Variants in FOXJ3 observed in about 807,000 individuals in gnomAD.
The protein encoded by FOXJ3 is forkhead box protein J3.
A neutral mutation model predicts 76.1 loss-of-function variants in FOXJ3; 22 were observed. The ratio of observed to expected loss-of-function variants is 0.29; its 90% CI spans 0.21 to 0.41. FOXJ3 has a LOEUF of 0.41. Among genes scored for constraint, FOXJ3 ranks in the 10% least tolerant of loss-of-function variants. FOXJ3 has a pLI of 1.00. For missense variants in FOXJ3, 613 were observed against 762.1 expected (o/e 0.80, Z 2.30); for synonymous variants, 269 against 261.2 (o/e 1.03, Z -0.29).
intron 1 of FOXJ3, among the ~76,000 whole-genome samples, chr1:42,324,972 G>A (rs1256503829): frequency 8.2e-6 from 1 of 121,454 alleles, no homozygotes; most frequent in Non-Finnish European, 1.8e-5. Context: ...CTAGGCAATA[G>A]AAATTTTTCA....
chr1:42,314,982 T>C (rs909051462), intron 1 of FOXJ3, among the ~76,000 whole-genome samples: 3 of 152,182 alleles, frequency 2.0e-5, no homozygotes, highest in East Asian at 1.9e-4. Flanking sequence ...CCATAAAATA[T>C]ACAATGCAAC....
intron 1 of FOXJ3, among the ~76,000 whole-genome samples, chr1:42,318,600 C>T (rs1226178669): frequency 6.6e-6 from 1 of 152,166 alleles, no homozygotes; most frequent in African/African-American, 2.4e-5. Context: ...CCACCTCGGC[C>T]TCCCAAAGTG....
chr1:42,225,459 G>A (rs1647477854), intron 5 of FOXJ3, among the ~76,000 whole-genome samples: 1 of 152,130 alleles, frequency 6.6e-6, no homozygotes, highest in Non-Finnish European at 1.5e-5. Flanking sequence ...AGGTAATTCA[G>A]TTTATCAGGG....
At chr1:42,184,678 G>A (rs1646398669) in intron 11 of FOXJ3, among the ~76,000 whole-genome samples, 1 of 152,078 alleles carries the variant, frequency 6.6e-6, no homozygotes, top group Non-Finnish European at 1.5e-5. Context: ...TAAATAGTAT[G>A]TAACATGCTA....
Position 42,199,146 on chromosome 1 carries a change from A to G in FOXJ3, c.715T>C (p.Ser239Pro). ...CTTCCAACACTGTTCAAATTAACAG[A>G]TGCCAAACTCTGGTCTGAGAGACTG... ...NNSLSDQSLA[S>P]VNLNSVGSVH... is the part of the protein sequence containing the mutation. Residue 239 changes from serine to proline, a missense_variant, in exon 7 of 13, where the codon TCT (serine) becomes CCT (proline). By Grantham distance (74) the Ser-to-Pro change is moderately conservative. Coordinates refer to ENST00000361346, the MANE Select transcript of FOXJ3 (RefSeq NM_014947.5). The G allele has an allele frequency of 6.2e-7, 1 of 1,613,734 alleles. No individual in the cohort carries two copies. Among genetic ancestry groups the G allele is most frequent in the Non-Finnish European group, 8.5e-7 (1 of 1,179,634 alleles).
chr1:42,291,514 T>G (rs1653435046), intron 2 of FOXJ3, among the ~76,000 whole-genome samples: 1 of 152,208 alleles, frequency 6.6e-6, no homozygotes, highest in Admixed American at 6.5e-5. Flanking sequence ...TGTGCAGGGC[T>G]TAACCCTACA....
At chr1:42,311,724 T>C (rs1224957867) in intron 1 of FOXJ3, among the ~76,000 whole-genome samples, 3 of 149,282 alleles carry the variant, frequency 2.0e-5, no homozygotes, top group Admixed American at 6.7e-5. Context: ...AAATTCTAGA[T>C]TTTAGGTTCA....
At chr1:42,307,555 T>G (rs1275133610) in intron 2 of FOXJ3, among the ~76,000 whole-genome samples, 1 of 152,230 alleles carries the variant, frequency 6.6e-6, no homozygotes, top group Non-Finnish European at 1.5e-5. Context: ...GTTCAAATAC[T>G]GGTATGGTTT....
chr1:42,185,525 G>A (rs1470248041), intron 11 of FOXJ3, among the ~76,000 whole-genome samples: 2 of 151,886 alleles, frequency 1.3e-5, no homozygotes, highest in African/African-American at 4.9e-5. Flanking sequence ...CTCCCAAAGT[G>A]AACATACTGT....
At chr1:42,190,669 G>T (rs1569794023) in intron 9 of FOXJ3, among the ~76,000 whole-genome samples, 1 of 152,140 alleles carries the variant, frequency 6.6e-6, no homozygotes, top group South Asian at 2.1e-4. Flanking sequence ...AAAAGGTCAG[G>T]GTAGGAAAAA....
chr1:42,279,689 G>A lies in FOXJ3; in HGVS notation c.45-1017C>T, dbSNP rs114564330. Among the ~76,000 whole-genome samples the A allele has an allele frequency of 5.1e-3, 783 of 152,214 alleles. 3 individuals carry two copies. Among genetic ancestry groups the A allele is most frequent in the African/African-American group, 0.017 (720 of 41,548 alleles). ...ACATTGGAATTGTTAACTTTCAGCA[G>A]AGGACATAAGCCCTTCTATTCTGGG... On this transcript the variant is annotated intron_variant, in intron 2 of 12. Transcript: ENST00000361346.
At chr1:42,325,572 G>A (rs1655784186) in intron 1 of FOXJ3, among the ~76,000 whole-genome samples, 1 of 152,170 alleles carries the variant, frequency 6.6e-6, no homozygotes, top group Non-Finnish European at 1.5e-5. Flanking sequence ...TGAGAGAAAT[G>A]ATGAGTCCAA....
intron 1 of FOXJ3, among the ~76,000 whole-genome samples, chr1:42,327,352 T>C (rs1333970458): frequency 6.6e-6 from 1 of 152,190 alleles, no homozygotes; most frequent in East Asian, 1.9e-4. Context: ...GTCTGCTCCA[T>C]CCTCATTCAG....
chr1:42,322,832 A>T (rs944023054), intron 1 of FOXJ3, among the ~76,000 whole-genome samples: 1 of 152,140 alleles, frequency 6.6e-6, no homozygotes. Flanking sequence ...CAAAATGCAA[A>T]CTTGGGCTTC....
At chr1:42,246,936 T>C (rs1015080312) in intron 4 of FOXJ3, among the ~76,000 whole-genome samples, 6 of 152,136 alleles carry the variant, frequency 3.9e-5, no homozygotes, top group African/African-American at 1.4e-4. Flanking sequence ...GAAATACAAA[T>C]ATCATATAGT....
chr1:42,260,115 A>C lies in FOXJ3; in HGVS notation c.444+5000T>G, dbSNP rs542146148. On this transcript the variant is annotated intron_variant, in intron 4 of 12. Transcript: ENST00000361346. ...TACAAAAATCATGCATTTACTTAAG[A>C]CTAGCATTAAAATTATACTCTTATC... Among the ~76,000 whole-genome samples, 44 of 152,334 alleles carry C rather than the reference A, an allele frequency of 2.9e-4. 1 individual carries two copies. The South Asian group carries it at 4.1e-3, about 14-fold the overall frequency.
chr1:42,204,251 A>G (rs1249036538), intron 6 of FOXJ3, among the ~76,000 whole-genome samples: 1 of 152,020 alleles, frequency 6.6e-6, no homozygotes, highest in African/African-American at 2.4e-5. Context: ...TGGTTGTCTT[A>G]GTTTCCAATA....
chr1:42,222,046 G>GAGAAGAAGAAGAAGAAGAAGA (rs1161062102), intron 5 of FOXJ3, among the ~76,000 whole-genome samples: 62 of 8,974 alleles, frequency 6.9e-3, no homozygotes, highest in South Asian at 9.4e-3. Flanking sequence ...GAAGGAGAAG[G>GAGAAGAAGAAGAAGAAGAAGA]AGAAGAAGAA....
chr1:42,241,555 T>A (rs1412265251), intron 4 of FOXJ3, among the ~76,000 whole-genome samples: 1 of 152,142 alleles, frequency 6.6e-6, no homozygotes, highest in African/African-American at 2.4e-5. Context: ...ACATACTTCC[T>A]GGGGCCCTGA....
Sources: allele counts gnomAD v4.1 joint callset (sites outside exome capture counted in the v4.1 genomes callset), GRCh38; gene constraint gnomAD v4.1.1; transcripts MANE v1.5; gene names NCBI Gene and HGNC (gene_info 2026-07-23, HGNC 2026-07-21).